The following GRAMD1A variants were observed in gnomAD, a reference collection of about 807,000 sequenced individuals.
The protein encoded by GRAMD1A is GRAM domain containing 1A.
GRAMD1A carries 50 observed loss-of-function variants against 92.0 expected under a neutral mutation model. The observed-to-expected ratio is 0.54, with a 90% confidence interval of 0.43 to 0.69. The LOEUF is 0.69. Ranked by LOEUF, GRAMD1A falls within the 30% of genes least tolerant of loss-of-function variation. The probability of loss-of-function intolerance (pLI) is 0.00; values close to 1 mark genes in which losing one functional copy is unlikely to be tolerated. For missense variants in GRAMD1A, 819 were observed against 978.9 expected, an observed-to-expected ratio of 0.84 and a Z score of 2.18; for synonymous variants, 405 against 403.6, an observed-to-expected ratio of 1.00 and a Z score of -0.04.
At chr19:34,996,643 C>T (rs575245027), upstream of GRAMD1A, among the ~76,000 whole-genome samples, 1 of 152,222 alleles carries the variant, frequency 6.6e-6, no homozygotes, top group South Asian at 2.1e-4. Context: ...CCCATCTTGA[C>T]TAAAAACACA....
intron 11 of GRAMD1A, among the ~76,000 whole-genome samples, chr19:35,017,090 G>A (rs1250500126): frequency 6.6e-6 from 1 of 150,746 alleles, no homozygotes; most frequent in East Asian, 2.0e-4. Context: ...TGAGAGAATT[G>A]CTTGAACCCA....
In GRAMD1A at chr19:35,026,281, G is replaced by A. The variant is rs541493058; in HGVS notation, c.*140G>A. 271 of 615,832 alleles carry A rather than the reference G, an allele frequency of 4.4e-4. 1 individual carries two copies. Among genetic ancestry groups the A allele is most frequent in the Non-Finnish European group, 7.6e-4 (257 of 339,410 alleles). The allele number at this position is 615,832 out of a possible 1,614,324, so 38.1% of individuals were successfully genotyped here. The stretch of plus-strand genomic sequence containing the variant: ...CCCAACCAGGGGCTGTGCAGACGTG[G>A]GGACCACGGAACCGAGATGCACTTT... On this transcript the variant is annotated 3_prime_UTR_variant, in exon 20 of 20. Coordinates refer to ENST00000317991, the MANE Select transcript of GRAMD1A (RefSeq NM_020895.5).
At chr19:35,005,147 C>T (rs887233363) in intron 1 of GRAMD1A, among the ~76,000 whole-genome samples, 7 of 151,610 alleles carry the variant, frequency 4.6e-5, no homozygotes, top group Non-Finnish European at 8.8e-5. Flanking sequence ...TCACGGAGCA[C>T]CTCCTGTACG....
chr19:35,003,274 C>A (rs1304272979), intron 1 of GRAMD1A, among the ~76,000 whole-genome samples: 1 of 152,068 alleles, frequency 6.6e-6, no homozygotes, highest in Non-Finnish European at 1.5e-5. Flanking sequence ...TTGAGTTTCC[C>A]TTTTATGCAC....
Position 35,026,322 on chromosome 19 carries a change from C to T in GRAMD1A, c.*181C>T. 3 of 592,842 alleles carry T rather than the reference C, an allele frequency of 5.1e-6. 1 individual carries two copies. In the South Asian group the frequency reaches 6.1e-5, roughly 12 times the overall value. The allele number at this position is 592,842 out of a possible 1,614,324, so 36.7% of individuals were successfully genotyped here. ...GATGCACTTTAGACCAGGGAGCTGG[C>T]CCGGCCTCTGGCAGGCCCCCCACTA... is the stretch of plus-strand genomic sequence containing the variant. On this transcript the variant is annotated 3_prime_UTR_variant, in exon 20 of 20. Transcript: ENST00000317991.
chr19:35,013,646 T>C lies in GRAMD1A; in HGVS notation c.825T>C (p.His275=), dbSNP rs376135948. The change falls in exon 9 of 20, where the codon CAT becomes CAC. Residue 275 remains histidine, a synonymous_variant. Coordinates refer to ENST00000317991, the MANE Select transcript of GRAMD1A (RefSeq NM_020895.5). This position sits in a 1 kb window ranked among gnomAD's most constrained non-coding sequence, Gnocchi z 4.9. ...GCCCAGTGGGTTCGCGCCGTGGCCA[T>C]GTCACGCCCAACCTTTCCCGAGCCA... is the stretch of plus-strand genomic sequence containing the variant. ...EPSPVGSRRG[H]VTPNLSRASS... is the part of the protein sequence containing the mutation. 3.8e-5 allele frequency: 61 copies of C among 1,613,222 alleles called. No individual in the cohort carries two copies. The highest frequency in any genetic ancestry group is 4.9e-5 in the Non-Finnish European group (58 of 1,179,828).
Position 35,023,490 on chromosome 19 carries a change from C to G in GRAMD1A, c.2025C>G (p.Ser675Arg), listed in dbSNP as rs751231513. 6.3e-7 allele frequency: 1 copy of G among 1,585,778 alleles called. No homozygotes were observed. Among genetic ancestry groups the G allele is most frequent in the Non-Finnish European group, 8.6e-7 (1 of 1,166,910 alleles). The change falls in exon 19 of 20, where the codon AGC becomes AGG. Residue 675 changes from serine (S) to arginine (R), a missense_variant. Physicochemically the swap from Ser to Arg is moderately radical, Grantham distance 110. This residue lies in a region of GRAMD1A where 577 missense variants were observed against 674.6 expected (regional missense o/e 0.86). Coordinates refer to ENST00000317991, the MANE Select transcript of GRAMD1A (RefSeq NM_020895.5). ...TGGCGCTGCAGAAGCAATTCCACAG[C>G]GTGGAGGTGCACAAGTGGAGGCAGA... Reference protein sequence around the residue: ...EILALQKQFHSVEVHKWRQIL... With the variant: ...EILALQKQFHRVEVHKWRQIL...
rs1267385850 is a variant in GRAMD1A, at chr19:35,015,814, C to T, written c.1070-10C>T. The T allele has an allele frequency of 6.2e-7, 1 of 1,612,550 alleles. No homozygotes were observed. Among genetic ancestry groups the T allele is most frequent in the African/African-American group, 1.3e-5 (1 of 74,904 alleles). On this transcript the variant is annotated splice_polypyrimidine_tract_variant and intron_variant, in intron 10 of 19. Coordinates refer to ENST00000317991, the MANE Select transcript of GRAMD1A (RefSeq NM_020895.5). ...GGCAGTCATCATCCTCGGCTCTCCT[C>T]TGTCTCCAGCGGACTTGGCTGCCCT... is the stretch of plus-strand genomic sequence containing the variant.
chr19:35,023,026 G>C, intron 17 of GRAMD1A, 115 bp downstream of exon 17: 1 of 932,262 alleles, frequency 1.1e-6, no homozygotes, highest in East Asian at 2.5e-5. Flanking sequence ...TGGCATGGCA[G>C]TCAAGGGTAT....
chr19:34,995,995 G>C (rs1384953533), upstream of GRAMD1A: 1 of 1,508,174 alleles, frequency 6.6e-7, no homozygotes, highest in African/African-American at 1.4e-5. Flanking sequence ...CTTTCCCAGA[G>C]ACCACACCGC....
At chr19:34,996,170 C>T, upstream of GRAMD1A, 1 of 1,536,048 alleles carries the variant, frequency 6.5e-7, no homozygotes, top group Non-Finnish European at 8.7e-7. Context: ...CTGGAAGCTC[C>T]TGGAGGTGCC....
intron 10 of GRAMD1A, chr19:35,015,540 G>T: frequency 2.8e-6 from 1 of 354,030 alleles, no homozygotes; most frequent in Non-Finnish European, 5.1e-6. Flanking sequence ...GATGCTCCCA[G>T]GAGGCGTGCT....
Position 35,013,627 on chromosome 19 carries a change from T to G in GRAMD1A, c.806T>G (p.Val269Gly), listed in dbSNP as rs772036426. 6.2e-7 allele frequency: 1 copy of G among 1,613,522 alleles called. No individual in the cohort carries two copies. The highest frequency in any genetic ancestry group is 1.7e-4 in the Middle Eastern group (1 of 5,938). Residue 269 changes from valine to glycine, a missense_variant, in exon 9 of 20, where the codon GTG (valine) becomes GGG (glycine). By Grantham distance (109) the Val-to-Gly change is moderately radical (BLOSUM62 -3). Around this residue, in one of 3 missense-constraint regions of GRAMD1A, gnomAD observed 577 missense variants for 674.6 expected, o/e 0.86. Coordinates refer to ENST00000317991, the MANE Select transcript of GRAMD1A (RefSeq NM_020895.5). This position sits in a 1 kb window ranked among gnomAD's most constrained non-coding sequence, Gnocchi z 4.9. ...GACCGCAGCCAGGAGCCAAGCCCAG[T>G]GGGTTCGCGCCGTGGCCATGTCACG... is the stretch of plus-strand genomic sequence containing the variant. ...AADRSQEPSPVGSRRGHVTPN... is the reference protein window; with the variant it reads ...AADRSQEPSPGGSRRGHVTPN...
intron 16 of GRAMD1A, 107 bp from the exon 17 acceptor site, chr19:35,022,793 C>A: frequency 3.7e-6 from 4 of 1,088,722 alleles, no homozygotes; most frequent in Non-Finnish European, 5.2e-6. Context: ...AGTGAGGGGG[C>A]GTGGTGCTCT....
In GRAMD1A at chr19:35,021,924, A is replaced by G; in HGVS notation, c.1754-27A>G. 3 of 1,613,124 alleles carry G rather than the reference A, an allele frequency of 1.9e-6. No individual in the cohort carries two copies. The highest frequency in any genetic ancestry group is 2.2e-5 in the East Asian group (1 of 44,862). ...AGGATCGGGGGTCCTGGACTGGGCC[A>G]TCTGACTCCAAGCTGCTCTCCTGCA... On this transcript the variant is annotated intron_variant, in intron 15 of 19. Transcript: ENST00000317991. The surrounding 1 kb of genome is among the most constrained non-coding windows in gnomAD (Gnocchi z 5.3).
intron 13 of GRAMD1A, among the ~76,000 whole-genome samples, chr19:35,020,658 C>CAAAAAAAAA (rs56181450): frequency 8.9e-6 from 1 of 112,342 alleles, no homozygotes; most frequent in South Asian, 3.2e-4. Context: ...GACCCTGTCT[C>CAAAAAAAAA]AAAAAAAAAA....
intron 11 of GRAMD1A, among the ~76,000 whole-genome samples, chr19:35,018,629 C>T (rs189015667): frequency 1.3e-5 from 2 of 152,322 alleles, no homozygotes; most frequent in East Asian, 3.9e-4. Context: ...CAAGATGCCC[C>T]TGGACCAGAT....
chr19:35,023,793 C>T (rs1023496170), intron 19 of GRAMD1A: 21 of 420,646 alleles, frequency 5.0e-5, no homozygotes, highest in Non-Finnish European at 6.7e-5. Flanking sequence ...TAGGCACGGC[C>T]GGGTTTGGTC....
In GRAMD1A at chr19:35,013,392, T is replaced by G; in HGVS notation, c.719+24T>G. 2.0e-6 allele frequency: 3 copies of G among 1,524,428 alleles called. No individual in the cohort carries two copies. The highest frequency in any genetic ancestry group is 2.7e-6 in the Non-Finnish European group (3 of 1,114,604). 94.4% of individuals were successfully genotyped at this position (1,524,428 alleles called of 1,614,324 possible). A position where few individuals can be genotyped will look rare whatever the true frequency, so the allele number is the denominator to read the frequency against. On this transcript the variant is annotated intron_variant, in intron 8 of 19. Coordinates refer to ENST00000317991, the MANE Select transcript of GRAMD1A (RefSeq NM_020895.5). This position sits in a 1 kb window ranked among gnomAD's most constrained non-coding sequence, Gnocchi z 4.9. ...GGGTGAGTTGGAGGTCAAAGGAGGTTGAAGGGTTCGGGGGAGAACAGGACG... is the reference window on the plus strand; with the variant it reads ...GGGTGAGTTGGAGGTCAAAGGAGGTGGAAGGGTTCGGGGGAGAACAGGACG...
Sources: gnomAD v4.1 joint callset for allele counts (sites outside exome capture counted in the v4.1 genomes callset) on GRCh38, gnomAD v4.1.1 for gene constraint, gnomAD v4.1.1 regional missense constraint, Gnocchi (gnomAD v3.1) non-coding constraint, MANE v1.5 for transcripts, NCBI Gene and HGNC (gene_info 2026-07-23, HGNC 2026-07-21) for gene names.